The following PRKCA variants were observed in gnomAD, a reference collection of about 807,000 sequenced individuals.
The protein encoded by PRKCA is protein kinase C alpha type.
PRKCA carries 27 observed loss-of-function variants against 87.0 expected under a neutral mutation model. That is an observed-to-expected ratio of 0.31 (90% CI 0.23 to 0.43). The LOEUF (loss-of-function observed/expected upper bound fraction) is 0.43. Among genes scored for constraint, PRKCA ranks in the 20% least tolerant of loss-of-function variants. The probability of loss-of-function intolerance (pLI) is 1.00; values close to 1 mark genes in which losing one functional copy is unlikely to be tolerated. For synonymous variants in PRKCA, 329 were observed against 311.1 expected (o/e 1.06, Z -0.61); for missense variants, 518 against 852.3 (o/e 0.61, Z 4.88).
At chr17:66,782,053 A>G (rs1019560484) in intron 14 of PRKCA, among the ~76,000 whole-genome samples, 2 of 151,856 alleles carry the variant, frequency 1.3e-5, no homozygotes, top group African/African-American at 2.4e-5. Flanking sequence ...AGCAGGGACT[A>G]CAGGCGCACT....
chr17:66,756,119 C>T (rs1210091311), intron 13 of PRKCA, among the ~76,000 whole-genome samples: 2 of 152,194 alleles, frequency 1.3e-5, no homozygotes, highest in East Asian at 1.9e-4. Flanking sequence ...CTGCCGGGTC[C>T]TCACAGTGAA....
chr17:66,518,952 T>G (rs1967064338), intron 3 of PRKCA, among the ~76,000 whole-genome samples: 1 of 152,192 alleles, frequency 6.6e-6, no homozygotes, highest in Non-Finnish European at 1.5e-5. Context: ...ATATCAAGTG[T>G]TGTGCTATGA....
intron 8 of PRKCA, among the ~76,000 whole-genome samples, chr17:66,706,018 G>C (rs890503107): frequency 1.3e-5 from 2 of 152,156 alleles, no homozygotes; most frequent in Admixed American, 6.5e-5. Context: ...GTGGCGAGCA[G>C]CTTGAGCTCT....
intron 5 of PRKCA, among the ~76,000 whole-genome samples, chr17:66,685,996 T>C (rs1972616781): frequency 6.6e-6 from 1 of 152,080 alleles, no homozygotes; most frequent in South Asian, 2.1e-4. Flanking sequence ...AACCACTGAA[T>C]CAGGGAGCCT....
chr17:66,482,267 C>G (rs1309942204), intron 2 of PRKCA, among the ~76,000 whole-genome samples: 1 of 151,952 alleles, frequency 6.6e-6, no homozygotes, highest in Non-Finnish European at 1.5e-5. Context: ...GATGATGGCT[C>G]CTCATGGAAC....
chr17:66,639,949 C>T (rs547827358), intron 3 of PRKCA, among the ~76,000 whole-genome samples: 33 of 152,124 alleles, frequency 2.2e-4, no homozygotes, highest in South Asian at 1.9e-3. Flanking sequence ...GAGCCGAGCT[C>T]GTGCCACTGC....
intron 5 of PRKCA, among the ~76,000 whole-genome samples, chr17:66,678,577 A>G (rs1278066167): frequency 6.6e-6 from 1 of 151,978 alleles, no homozygotes; most frequent in Non-Finnish European, 1.5e-5. Context: ...GCCAACAGGC[A>G]TTCATCTGGC....
chr17:66,377,709 A>ATG (rs1226006648), intron 2 of PRKCA, among the ~76,000 whole-genome samples: 1 of 70,404 alleles, frequency 1.4e-5, no homozygotes, highest in African/African-American at 5.2e-5. Context: ...TTTTATATAT[A>ATG]TATATATATA....
At chr17:66,467,647 T>A (rs531363432) in intron 2 of PRKCA, among the ~76,000 whole-genome samples, 3 of 152,190 alleles carry the variant, frequency 2.0e-5, no homozygotes, top group Non-Finnish European at 4.4e-5. Context: ...AGCCTCAAAC[T>A]CCTGGGCTCA....
chr17:66,695,141 G>A (rs552562947), intron 8 of PRKCA, among the ~76,000 whole-genome samples: 1 of 152,208 alleles, frequency 6.6e-6, no homozygotes, highest in Admixed American at 6.5e-5. Context: ...TTTCTCCTAA[G>A]CTTGGCCCCT....
intron 2 of PRKCA, among the ~76,000 whole-genome samples, chr17:66,400,516 G>T (rs1411411322): frequency 6.6e-6 from 1 of 152,190 alleles, no homozygotes; most frequent in Non-Finnish European, 1.5e-5. Flanking sequence ...GAAACTGTCT[G>T]CCTATCAAAC....
chr17:66,798,474 TGGTGGTGGTGGTGAC>T (rs1568040999), intron 16 of PRKCA, among the ~76,000 whole-genome samples: 4 of 84,208 alleles, frequency 4.8e-5, no homozygotes, highest in Non-Finnish European at 6.9e-5. Context: ...GTGGTGGTGG[TGGTGGTGGTGGTGAC>T]GGTGGTGGTG....
intron 2 of PRKCA, among the ~76,000 whole-genome samples, chr17:66,322,222 C>T (rs1360881414): frequency 1.3e-5 from 2 of 152,076 alleles, no homozygotes. Flanking sequence ...TTCATGGAGC[C>T]TCAGAGATCT....
intron 2 of PRKCA, among the ~76,000 whole-genome samples, chr17:66,414,721 A>G (rs1052344898): frequency 7.9e-5 from 12 of 152,170 alleles, no homozygotes; most frequent in African/African-American, 2.4e-4. Flanking sequence ...ATGTGATTCA[A>G]GCAGATGTTA....
chr17:66,624,628 C>T (rs1970792576), intron 3 of PRKCA, among the ~76,000 whole-genome samples: 1 of 152,008 alleles, frequency 6.6e-6, no homozygotes, highest in East Asian at 1.9e-4. Flanking sequence ...TGGTGAAACC[C>T]CCTCTCTACT....
chr17:66,650,038 G>A (rs1860985), intron 5 of PRKCA, among the ~76,000 whole-genome samples: 14,984 of 152,264 alleles, frequency 0.098, 795 homozygotes, highest in Middle Eastern at 0.18. Context: ...GCCATCACAT[G>A]CAGAGTTTAT....
chr17:66,640,055 C>T (rs1971249791), intron 3 of PRKCA, among the ~76,000 whole-genome samples: 1 of 152,042 alleles, frequency 6.6e-6, no homozygotes. Flanking sequence ...AGCAGAGGCG[C>T]TTATCTGCAC....
intron 8 of PRKCA, among the ~76,000 whole-genome samples, chr17:66,715,727 G>A (rs1011134146): frequency 1.3e-5 from 2 of 151,988 alleles, no homozygotes; most frequent in Admixed American, 1.3e-4. Context: ...CTACTATAAA[G>A]GATACAGTTT....
At chr17:66,447,156 T>G (rs1914074149) in intron 2 of PRKCA, among the ~76,000 whole-genome samples, 1 of 152,208 alleles carries the variant, frequency 6.6e-6, no homozygotes. Context: ...GAGAATGTTT[T>G]GGCAGGGACT....
Sources: gnomAD v4.1 joint callset for allele counts (sites outside exome capture counted in the v4.1 genomes callset) on GRCh38, gnomAD v4.1.1 for gene constraint, MANE v1.5 for transcripts, NCBI Gene and HGNC (gene_info 2026-07-23, HGNC 2026-07-21) for gene names.